The following RUNX2 variants were observed in gnomAD, a reference collection of about 807,000 sequenced individuals.
RUNX2 encodes runt-related transcription factor 2.
RUNX2 carries 10 observed loss-of-function variants against 51.7 expected under a neutral mutation model. That is an observed-to-expected ratio of 0.19 (90% confidence interval 0.12 to 0.33). RUNX2 has a LOEUF of 0.33. Ranked by LOEUF, RUNX2 falls within the 10% of genes least tolerant of loss-of-function variation. The probability of loss-of-function intolerance (pLI) is 1.00; values close to 1 mark genes in which losing one functional copy is unlikely to be tolerated. For synonymous variants in RUNX2, 276 were observed against 273.6 expected (o/e 1.01, Z -0.09); for missense variants, 562 against 691.3 (o/e 0.81, Z 2.10).
chr6:45,469,879 C>T (rs1563100418), intron 5 of RUNX2, among the ~76,000 whole-genome samples: 1 of 152,210 alleles, frequency 6.6e-6, no homozygotes, highest in Non-Finnish European at 1.5e-5. Context: ...ACTAGAGGAG[C>T]ATCAAGCATT....
chr6:45,350,867 C>G (rs998060027), intron 2 of RUNX2, among the ~76,000 whole-genome samples: 1 of 152,140 alleles, frequency 6.6e-6, no homozygotes. Context: ...CCCCAACCCC[C>G]AGTTCCAGTT....
intron 2 of RUNX2, among the ~76,000 whole-genome samples, chr6:45,369,956 T>C (rs1019924133): frequency 3.3e-5 from 5 of 152,082 alleles, no homozygotes; most frequent in African/African-American, 1.2e-4. Context: ...TAGAAAGATA[T>C]GAACACAGGG....
chr6:45,343,975 A>T (rs1790342377), intron 2 of RUNX2, among the ~76,000 whole-genome samples: 1 of 152,214 alleles, frequency 6.6e-6, no homozygotes, highest in Non-Finnish European at 1.5e-5. Context: ...TTTACTGGTA[A>T]AATATTTTAC....
At chr6:45,544,177 A>G (rs1421399632) in intron 7 of RUNX2, among the ~76,000 whole-genome samples, 1 of 152,128 alleles carries the variant, frequency 6.6e-6, no homozygotes, top group Non-Finnish European at 1.5e-5. Context: ...AAATGCCTAG[A>G]AGTGATTGGT....
intron 5 of RUNX2, among the ~76,000 whole-genome samples, chr6:45,466,198 A>T (rs1799625430): frequency 6.6e-6 from 1 of 151,948 alleles, no homozygotes; most frequent in Non-Finnish European, 1.5e-5. Context: ...CTGTAATCCT[A>T]GCTACTCAGG....
chr6:45,355,960 T>C (rs991435863), intron 2 of RUNX2, among the ~76,000 whole-genome samples: 2 of 151,976 alleles, frequency 1.3e-5, no homozygotes, highest in Non-Finnish European at 2.9e-5. Flanking sequence ...AATACAGGAA[T>C]AGAGAGAAAG....
chr6:45,422,780 G>GGCTGCGGCGGCGGCA lies in RUNX2; in HGVS notation c.252_266dup (p.Ala85_Ala89dup), dbSNP rs1798253011. Reference sequence around the variant, plus strand: ...CGGCGGCGGCTGCGGCGGCGGCGGCGGCTGCGGCGGCGGCAGCTGCAGTGC... The same window carrying GGCTGCGGCGGCGGCA: ...CGGCGGCGGCTGCGGCGGCGGCGGCGGCTGCGGCGGCGGCAGCTGCGGCGGCGGCAGCTGCAGTGC... On this transcript the variant is annotated inframe_insertion, in exon 3 of 9. Coordinates refer to ENST00000647337, the MANE Select transcript of RUNX2 (RefSeq NM_001024630.4). 3 of 1,398,416 alleles carry GGCTGCGGCGGCGGCA rather than the reference G, an allele frequency of 2.1e-6. No homozygotes were observed. Among genetic ancestry groups the GGCTGCGGCGGCGGCA allele is most frequent in the African/African-American group, 3.0e-5 (2 of 66,786 alleles). The allele number at this position is 1,398,416 out of a possible 1,614,324, so 86.6% of individuals were successfully genotyped here. A position where few individuals can be genotyped will look rare whatever the true frequency, so the allele number is the denominator to read the frequency against.
chr6:45,392,357 A>G (rs1797490003), intron 2 of RUNX2, among the ~76,000 whole-genome samples: 1 of 152,196 alleles, frequency 6.6e-6, no homozygotes, highest in Admixed American at 6.5e-5. Context: ...AAAATATATA[A>G]AAACTAGCCA....
rs527617142 is a variant in RUNX2, at chr6:45,496,239, C to T, written c.859+4125C>T. Among the ~76,000 whole-genome samples the T allele has an allele frequency of 1.7e-4, 26 of 152,196 alleles. No individual in the cohort carries two copies. The South Asian group carries it at 4.1e-3, about 24-fold the overall frequency. The stretch of plus-strand genomic sequence containing the variant: ...ACCTAAAAAATAATGCTGATTCAGG[C>T]CCTTGGGTTTGGTGGATTGGGACAT... On this transcript the variant is annotated intron_variant, in intron 6 of 8. Coordinates refer to ENST00000647337, the MANE Select transcript of RUNX2 (RefSeq NM_001024630.4).
At chr6:45,516,220 A>G (rs1190964686) in intron 7 of RUNX2, among the ~76,000 whole-genome samples, 6 of 152,214 alleles carry the variant, frequency 3.9e-5, no homozygotes, top group African/African-American at 1.4e-4. Context: ...TTTACTGCAG[A>G]GAAAGATATA....
intron 7 of RUNX2, among the ~76,000 whole-genome samples, chr6:45,534,734 A>T (rs1215189049): frequency 6.6e-6 from 1 of 152,228 alleles, no homozygotes; most frequent in Non-Finnish European, 1.5e-5. Context: ...CAGATGACAC[A>T]CACAAATTTC....
At chr6:45,544,744 G>T (rs1400633984) in intron 7 of RUNX2, among the ~76,000 whole-genome samples, 2 of 152,218 alleles carry the variant, frequency 1.3e-5, no homozygotes, top group African/African-American at 4.8e-5. Flanking sequence ...GCCCTGCAAT[G>T]CAGAGGCTGC....
At chr6:45,544,288 C>G (rs995916863) in intron 7 of RUNX2, among the ~76,000 whole-genome samples, 38 of 152,150 alleles carry the variant, frequency 2.5e-4, no homozygotes, top group Middle Eastern at 3.4e-3. Flanking sequence ...TGTTAGCTAG[C>G]ATCTATAAAC....
At chr6:45,543,388 G>C (rs1250056581) in intron 7 of RUNX2, among the ~76,000 whole-genome samples, 1 of 152,156 alleles carries the variant, frequency 6.6e-6, no homozygotes, top group African/African-American at 2.4e-5. Flanking sequence ...AAAAAGAATG[G>C]ACTTGTGCAA....
intron 5 of RUNX2, among the ~76,000 whole-genome samples, chr6:45,450,336 C>CT (rs892044230): frequency 1.8e-4 from 28 of 151,958 alleles, no homozygotes; most frequent in East Asian, 1.7e-3. Flanking sequence ...CTGACAGAGC[C>CT]TTTTTTTTGG....
intron 5 of RUNX2, among the ~76,000 whole-genome samples, chr6:45,474,863 C>T (rs1274325810): frequency 6.6e-6 from 1 of 152,134 alleles, no homozygotes; most frequent in African/African-American, 2.4e-5. Flanking sequence ...ATTCAACAAA[C>T]ACTTACTGGG....
intron 2 of RUNX2, among the ~76,000 whole-genome samples, chr6:45,347,025 A>G (rs1333425871): frequency 6.6e-6 from 1 of 152,186 alleles, no homozygotes; most frequent in Non-Finnish European, 1.5e-5. Context: ...AATAACTTAC[A>G]TGGCTGAAAA....
intron 2 of RUNX2, among the ~76,000 whole-genome samples, chr6:45,402,368 G>A (rs539042483): frequency 4.6e-5 from 7 of 152,252 alleles, no homozygotes; most frequent in African/African-American, 1.7e-4. Context: ...TCCAAAGCAA[G>A]CCATTTGAAA....
intron 4 of RUNX2, among the ~76,000 whole-genome samples, chr6:45,433,947 A>G (rs1292141020): frequency 1.3e-5 from 2 of 152,210 alleles, no homozygotes; most frequent in African/African-American, 4.8e-5. Flanking sequence ...CCTTTGAAGC[A>G]GCCGGGACTT....
Sources: allele counts gnomAD v4.1 joint callset (sites outside exome capture counted in the v4.1 genomes callset), GRCh38; gene constraint gnomAD v4.1.1; transcripts MANE v1.5; gene names NCBI Gene and HGNC (gene_info 2026-07-23, HGNC 2026-07-21).